DUSP8: variants seen among roughly 807,000 people sequenced by gnomAD.
The protein encoded by DUSP8 is dual specificity protein phosphatase 8.
A neutral mutation model predicts 38.7 loss-of-function variants in DUSP8; 15 were observed. The ratio of observed to expected loss-of-function variants is 0.39; its 90% confidence interval spans 0.26 to 0.60. The LOEUF is 0.60. DUSP8 is among the 20% of genes least tolerant of loss of function. DUSP8 has a pLI of 0.56. For missense variants in DUSP8, 768 were observed against 915.0 expected, an observed-to-expected ratio of 0.84 and a Z score of 2.07; for synonymous variants, 458 against 433.9, an observed-to-expected ratio of 1.06 and a Z score of -0.69.
chr11:1,563,305 G>A (rs1489295811), intron 3 of DUSP8, among the ~76,000 whole-genome samples: 2 of 152,186 alleles, frequency 1.3e-5, no homozygotes, highest in Non-Finnish European at 2.9e-5. Context: ...CTGGGACCAC[G>A]AGTGTGTGAG....
At chr11:1,571,563 C>G (rs1297713802) in intron 1 of DUSP8, 1 of 151,976 alleles carries the variant, frequency 6.6e-6, no homozygotes, top group Non-Finnish European at 1.5e-5. Flanking sequence ...CGCGCAGATC[C>G]GCGCTGGATC....
At chr11:1,567,591 C>T (rs186414807) in intron 1 of DUSP8, among the ~76,000 whole-genome samples, 6 of 152,386 alleles carry the variant, frequency 3.9e-5, no homozygotes, top group South Asian at 2.1e-4. Context: ...CCTCCCGCCT[C>T]GACTGGGCCC....
rs1217348239 is a variant in DUSP8, at chr11:1,556,979, C to G, written c.1417G>C (p.Gly473Arg). 40 of 1,039,486 alleles carry G rather than the reference C, an allele frequency of 3.8e-5. No homozygotes were observed. The African/African-American group carries it at 6.2e-4, about 16-fold the overall frequency. 64.4% of individuals were successfully genotyped at this position (1,039,486 alleles called of 1,614,324 possible). The change falls in exon 7 of 7, where the codon GGC (glycine) becomes CGC (arginine). Residue 473 changes from glycine (G) to arginine (R), a missense_variant. Gly to Arg is a moderately radical substitution (Grantham distance 125). Around this residue, in one of 3 missense-constraint regions of DUSP8, gnomAD observed 474 missense variants for 430.8 expected, o/e 1.10. Coordinates refer to ENST00000397374, the MANE Select transcript of DUSP8 (RefSeq NM_004420.3). This position sits in a 1 kb window ranked among gnomAD's most constrained non-coding sequence, Gnocchi z 5.2. The stretch of plus-strand genomic sequence containing the variant: ...CGGGCCGCATCGCCGAAGTTCAGGC[C>G]GAGGCTGTGCGCGGGGGAGCGCGCG... ...SPARSPAHSL[G>R]LNFGDAARQT...
chr11:1,570,287 C>G (rs779102565), intron 1 of DUSP8, among the ~76,000 whole-genome samples: 1 of 152,162 alleles, frequency 6.6e-6, no homozygotes, highest in African/African-American at 2.4e-5. Context: ...ACCAGTGTGG[C>G]GCTTCCAAGG....
chr11:1,566,784 G>A (rs532265694), intron 1 of DUSP8, among the ~76,000 whole-genome samples: 12 of 152,264 alleles, frequency 7.9e-5, no homozygotes, highest in Admixed American at 3.9e-4. Flanking sequence ...GGTCAGTGTC[G>A]GGGACCCCGC....
At chr11:1,568,513 C>A (rs1284569405) in intron 1 of DUSP8, among the ~76,000 whole-genome samples, 2 of 152,190 alleles carry the variant, frequency 1.3e-5, no homozygotes, top group Non-Finnish European at 2.9e-5. Context: ...CAAGTTAGCA[C>A]CTCCATCGTC....
Position 1,555,104 on chromosome 11 carries a change from T to C in DUSP8, c.*1414A>G. On this transcript the variant is annotated 3_prime_UTR_variant, in exon 7 of 7. Transcript: ENST00000397374. ...CCAAGCCCCTGGCCTCTTCCCACAG[T>C]GACTGGCCCCACTCCTAGACCCTAG... is the stretch of plus-strand genomic sequence containing the variant. 1.0e-6 allele frequency: 1 copy of C among 987,334 alleles called. No homozygotes were observed. Among genetic ancestry groups the C allele is most frequent in the Non-Finnish European group, 1.2e-6 (1 of 830,212 alleles). The allele number at this position is 987,334 out of a possible 1,614,324, so 61.2% of individuals were successfully genotyped here.
At position 1,565,828 on chromosome 11, in the gene DUSP8, G is replaced by A; in HGVS notation, c.-2C>T. On this transcript the variant is annotated 5_prime_UTR_variant, in exon 2 of 7. Transcript: ENST00000397374. The stretch of plus-strand genomic sequence containing the variant: ...CCTCGGGAGCCGGTCCCCAGCCATG[G>A]TGGGGCAATGGGTGCTGGGGAGGGT... 6.2e-7 allele frequency: 1 copy of A among 1,604,296 alleles called. No individual in the cohort carries two copies.
intron 1 of DUSP8, among the ~76,000 whole-genome samples, chr11:1,567,564 T>A (rs1364945198): frequency 6.6e-6 from 1 of 152,240 alleles, no homozygotes. Context: ...CACTTCAAGC[T>A]TGGCCCCTGC....
Position 1,557,475 on chromosome 11 carries a change from C to A in DUSP8, c.921G>T (p.Gln307His). ...ERSLKLLAAL[Q>H]GDPGTPSGTP... ...TCCCTGAGGGGGTGCCCGGGTCGCC[C>A]TGCAGGGCGGCCAGCAGCTTCAGGC... is the stretch of plus-strand genomic sequence containing the variant. The change falls in exon 7 of 7, where the codon CAG (glutamine) becomes CAT (histidine). Residue 307 changes from glutamine (Q) to histidine (H), a missense_variant. By Grantham distance (24) the Gln-to-His change is conservative. Transcript: ENST00000397374. The surrounding 1 kb of genome is among the most constrained non-coding windows in gnomAD (Gnocchi z 9.9). 6.4e-7 allele frequency: 1 copy of A among 1,569,812 alleles called. No individual in the cohort carries two copies.
intron 1 of DUSP8, 29 bp from the exon 2 acceptor site, chr11:1,565,963 G>T: frequency 4.1e-6 from 3 of 739,558 alleles, no homozygotes; most frequent in East Asian, 2.7e-5. Flanking sequence ...GGTCAGCAGT[G>T]CTGCGGGCCC....
chr11:1,554,488 G>C lies in DUSP8; in HGVS notation c.*2030C>G. The C allele has an allele frequency of 3.9e-6, 1 of 253,384 alleles. No homozygotes were observed. Among genetic ancestry groups the C allele is most frequent in the Non-Finnish European group, 6.3e-6 (1 of 158,422 alleles). The allele number at this position is 253,384 out of a possible 1,614,324, so 15.7% of individuals were successfully genotyped here. A position where few individuals can be genotyped will look rare whatever the true frequency, so the allele number is the denominator to read the frequency against. Reference sequence around the variant, plus strand: ...CAGGTGGGGCCTCAGCCCGCCTCCTGCAGCACTGGAGGAGGCAGTGGCCAA... The same window carrying C: ...CAGGTGGGGCCTCAGCCCGCCTCCTCCAGCACTGGAGGAGGCAGTGGCCAA... On this transcript the variant is annotated 3_prime_UTR_variant, in exon 7 of 7. Transcript: ENST00000397374.
Position 1,557,664 on chromosome 11 carries a change from C to A in DUSP8, c.822-90G>T. The A allele has an allele frequency of 6.5e-7, 1 of 1,549,286 alleles. No homozygotes were observed. The highest frequency in any genetic ancestry group is 8.7e-7 in the Non-Finnish European group (1 of 1,147,768). ...CTGGGCACCCACGAGCTCATGTGCG[C>A]CAGGCTGGTCTCAGGCCCTCCTCCC... is the stretch of plus-strand genomic sequence containing the variant. On this transcript the variant is annotated intron_variant, in intron 6 of 6. Coordinates refer to ENST00000397374, the MANE Select transcript of DUSP8 (RefSeq NM_004420.3). This position sits in a 1 kb window ranked among gnomAD's most constrained non-coding sequence, Gnocchi z 9.9.
intron 1 of DUSP8, among the ~76,000 whole-genome samples, chr11:1,567,761 C>T (rs1306735071): frequency 2.6e-5 from 4 of 152,226 alleles, no homozygotes; most frequent in African/African-American, 9.6e-5. Flanking sequence ...CGTTCCTGGG[C>T]TGGTGCTCCA....
At chr11:1,564,940 A>G (rs377437063) in intron 2 of DUSP8, among the ~76,000 whole-genome samples, 1 of 152,202 alleles carries the variant, frequency 6.6e-6, no homozygotes, top group East Asian at 1.9e-4. Flanking sequence ...GCGAGGCAGT[A>G]GAAGGAGGAG....
Position 1,564,256 on chromosome 11 carries a change from C to T in DUSP8, c.232-267G>A, listed in dbSNP as rs149214604. On this transcript the variant is annotated intron_variant, in intron 2 of 6. Coordinates refer to ENST00000397374, the MANE Select transcript of DUSP8 (RefSeq NM_004420.3). Reference sequence around the variant, plus strand: ...TGCCCTGCGCAGCTGTGCCCCCATGCCATGCACATGGGTGAAGGGGACGGA... The same window carrying T: ...TGCCCTGCGCAGCTGTGCCCCCATGTCATGCACATGGGTGAAGGGGACGGA... 5.5e-3 allele frequency among the ~76,000 whole-genome samples: 845 copies of T among 152,308 alleles called. 4 individuals carry two copies. Among genetic ancestry groups the T allele is most frequent in the Non-Finnish European group, 9.2e-3 (624 of 68,010 alleles).
At chr11:1,566,023 G>C (rs1391855920) in intron 1 of DUSP8, 89 bp from the exon 2 acceptor site, 1 of 587,740 alleles carries the variant, frequency 1.7e-6, no homozygotes, top group Admixed American at 2.9e-5. Context: ...TGGGAGCTGC[G>C]CCCACCAGGA....
intron 3 of DUSP8, among the ~76,000 whole-genome samples, chr11:1,560,457 A>G (rs1054614913): frequency 1.3e-5 from 2 of 152,036 alleles, no homozygotes; most frequent in Non-Finnish European, 2.9e-5. Context: ...CCCAACCAGA[A>G]CACCTGCTGT....
intron 1 of DUSP8, among the ~76,000 whole-genome samples, chr11:1,567,925 C>G (rs1014287390): frequency 6.6e-6 from 1 of 152,172 alleles, no homozygotes; most frequent in Admixed American, 6.5e-5. Flanking sequence ...CCTTGATGAG[C>G]TGTTTGTCCT....
Sources: gnomAD v4.1 joint callset for allele counts (sites outside exome capture counted in the v4.1 genomes callset) on GRCh38, gnomAD v4.1.1 for gene constraint, gnomAD v4.1.1 regional missense constraint, Gnocchi (gnomAD v3.1) non-coding constraint, MANE v1.5 for transcripts, NCBI Gene and HGNC (gene_info 2026-07-23, HGNC 2026-07-21) for gene names.